The following HORMAD2 variants were observed in gnomAD, a reference collection of about 807,000 sequenced individuals.
HORMAD2 encodes HORMA domain containing 2, also known as HORMA domain-containing protein 2.
HORMAD2 carries 45 observed loss-of-function variants against 38.8 expected under a neutral mutation model. That is an observed-to-expected ratio of 1.16 (90% CI 0.91 to 1.49). HORMAD2 has a LOEUF of 1.49. HORMAD2 is among the 40% of genes most tolerant of loss of function. The probability of loss-of-function intolerance (pLI) is 0.00; values close to 1 mark genes in which losing one functional copy is unlikely to be tolerated. For synonymous variants in HORMAD2, 126 were observed against 122.8 expected (o/e 1.03, Z -0.17); for missense variants, 338 against 367.0 (o/e 0.92, Z 0.65).
the HORMAD2 span, among the ~76,000 whole-genome samples, chr22:30,202,442 TAA>T: frequency 2.8e-5 from 4 of 142,314 alleles, no homozygotes; most frequent in Admixed American, 7.0e-5. Flanking sequence ...GGAATGGATT[TAA>T]AAAAAAAAAA....
intron 2 of HORMAD2, among the ~76,000 whole-genome samples, chr22:30,096,857 C>T (rs8138991): frequency 0.013 from 1,918 of 152,146 alleles, 18 homozygotes; most frequent in Non-Finnish European, 0.015. Context: ...CTTTTATTGT[C>T]TATTTTCACA....
At chr22:30,089,180 A>G (rs1054141348) in intron 1 of HORMAD2, among the ~76,000 whole-genome samples, 2 of 152,206 alleles carry the variant, frequency 1.3e-5, no homozygotes, top group Non-Finnish European at 2.9e-5. Context: ...AGAATCTTGC[A>G]TTAATGGATA....
the HORMAD2 span, among the ~76,000 whole-genome samples, chr22:30,198,520 T>A: frequency 7.7e-6 from 1 of 130,332 alleles, no homozygotes; most frequent in Admixed American, 7.8e-5. Context: ...TTTTTTTTTT[T>A]AAAGCTCTCC....
At chr22:30,088,136 T>C (rs1779931708) in intron 1 of HORMAD2, among the ~76,000 whole-genome samples, 1 of 151,346 alleles carries the variant, frequency 6.6e-6, no homozygotes, top group South Asian at 2.1e-4. Context: ...TACACATGTG[T>C]ACATATACAC....
the HORMAD2 span, among the ~76,000 whole-genome samples, chr22:30,185,393 T>C: frequency 6.6e-6 from 1 of 152,258 alleles, no homozygotes; most frequent in Non-Finnish European, 1.5e-5. Context: ...ACAGGGAAGC[T>C]GTTTTTATTA....
At chr22:30,125,211 C>CTTTTTTTTTTTTTTTTT (rs1569099734) in intron 10 of HORMAD2, among the ~76,000 whole-genome samples, 1 of 46,590 alleles carries the variant, frequency 2.1e-5, no homozygotes, top group African/African-American at 9.7e-5. Flanking sequence ...CTTTCTTTTT[C>CTTTTTTTTTTTTTTTTT]TTTTCTTTTT....
chr22:30,192,089 C>T, the HORMAD2 span: 1 of 152,236 alleles, frequency 6.6e-6, no homozygotes, highest in Admixed American at 6.5e-5. Flanking sequence ...AGGCCCTGAG[C>T]ATAAGTTGAT....
chr22:30,206,550 A>G, the HORMAD2 span, among the ~76,000 whole-genome samples: 1 of 152,214 alleles, frequency 6.6e-6, no homozygotes, highest in South Asian at 2.1e-4. Flanking sequence ...TGGTGCGACC[A>G]TAGCTCACTG....
At chr22:30,093,317 G>A (rs146274692) in intron 1 of HORMAD2, among the ~76,000 whole-genome samples, 67 of 152,192 alleles carry the variant, frequency 4.4e-4, no homozygotes, top group African/African-American at 1.5e-3. Context: ...TGGGTATGAA[G>A]TATAAACATT....
At chr22:30,166,008 T>TTTA (rs1055370435) in intron 10 of HORMAD2, among the ~76,000 whole-genome samples, 27 of 151,512 alleles carry the variant, frequency 1.8e-4, no homozygotes, top group Non-Finnish European at 3.7e-4. Flanking sequence ...TTTTATTCTC[T>TTTA]TTATTATTAT....
chr22:30,184,162 G>A, the HORMAD2 span, among the ~76,000 whole-genome samples: 1 of 152,094 alleles, frequency 6.6e-6, no homozygotes, highest in Non-Finnish European at 1.5e-5. Context: ...TTTTTTCCTG[G>A]ACTAAGATGT....
chr22:30,098,410 TG>T (rs1258674070), intron 2 of HORMAD2, among the ~76,000 whole-genome samples: 1 of 152,090 alleles, frequency 6.6e-6, no homozygotes, highest in East Asian at 1.9e-4. Flanking sequence ...AAAGAGAGTA[TG>T]TGGGTAACAG....
intron 10 of HORMAD2, among the ~76,000 whole-genome samples, chr22:30,143,349 G>A (rs1365378839): frequency 6.6e-6 from 1 of 152,130 alleles, no homozygotes; most frequent in African/African-American, 2.4e-5. Flanking sequence ...TTTCCTGTAA[G>A]ATGAATCTGC....
At chr22:30,155,475 C>T (rs1925013186) in intron 10 of HORMAD2, among the ~76,000 whole-genome samples, 1 of 152,134 alleles carries the variant, frequency 6.6e-6, no homozygotes, top group African/African-American at 2.4e-5. Flanking sequence ...ACATGTCCCT[C>T]TAATTAAGCA....
intron 1 of HORMAD2, among the ~76,000 whole-genome samples, chr22:30,089,393 G>A (rs1189672784): frequency 6.6e-6 from 1 of 150,892 alleles, no homozygotes; most frequent in Admixed American, 6.6e-5. Flanking sequence ...GGCTCTGTCG[G>A]CCAGGCTGGA....
intron 7 of HORMAD2, among the ~76,000 whole-genome samples, chr22:30,114,788 C>T (rs1285649419): frequency 6.6e-6 from 1 of 152,160 alleles, no homozygotes; most frequent in Non-Finnish European, 1.5e-5. Flanking sequence ...ACTGAGTTTT[C>T]AGCATTCTAC....
the HORMAD2 span, among the ~76,000 whole-genome samples, chr22:30,194,182 C>T: frequency 6.6e-6 from 1 of 152,178 alleles, no homozygotes; most frequent in African/African-American, 2.4e-5. Flanking sequence ...GAGATACTAG[C>T]GCCACCAACC....
intron 7 of HORMAD2, among the ~76,000 whole-genome samples, chr22:30,118,228 G>A (rs1922191594): frequency 1.3e-5 from 2 of 152,124 alleles, no homozygotes; most frequent in Non-Finnish European, 2.9e-5. Context: ...CTCATTTCCT[G>A]GGTTCTCCCC....
intron 7 of HORMAD2, among the ~76,000 whole-genome samples, chr22:30,114,411 A>G (rs1341474947): frequency 6.6e-6 from 1 of 152,244 alleles, no homozygotes; most frequent in Non-Finnish European, 1.5e-5. Context: ...CAATGTTCAT[A>G]GGGCCTAAAA....
Sources: allele counts gnomAD v4.1 joint callset (sites outside exome capture counted in the v4.1 genomes callset), GRCh38; gene constraint gnomAD v4.1.1; transcripts MANE v1.5; gene names NCBI Gene and HGNC (gene_info 2026-07-23, HGNC 2026-07-21).